STEAP4: variants seen among roughly 807,000 people sequenced by gnomAD.
STEAP4 encodes the protein metalloreductase STEAP4.
STEAP4 carries 36 observed loss-of-function variants against 43.6 expected under a neutral mutation model. That is an observed-to-expected ratio of 0.83 (90% CI 0.63 to 1.09). STEAP4 has a LOEUF of 1.09. STEAP4 is among the 50% of genes least tolerant of loss of function. The pLI is 0.00. For missense variants in STEAP4, 495 were observed against 546.5 expected (o/e 0.91, Z 0.94); for synonymous variants, 191 against 196.7 (o/e 0.97, Z 0.24).
intron 2 of STEAP4, 78 bp downstream of exon 2, chr7:88,283,736 T>C (rs890581994): frequency 6.4e-6 from 9 of 1,401,974 alleles, no homozygotes; most frequent in South Asian, 1.4e-5. Flanking sequence ...CTTGGAATTA[T>C]ATTTTGGAAT....
At position 88,277,612 on chromosome 7, in the gene STEAP4, T is replaced by G. The variant is rs1852533542; in HGVS notation, c.*1786A>C. On this transcript the variant is annotated 3_prime_UTR_variant, in exon 5 of 5. Coordinates refer to ENST00000380079, the MANE Select transcript of STEAP4 (RefSeq NM_024636.4). ...GCCAGATTCATGCCTGTAATCCCAG[T>G]GCTTTGTGAGGCGGAGGCAGGCAGA... is the stretch of plus-strand genomic sequence containing the variant. 6.6e-6 allele frequency: 1 copy of G among 152,190 alleles called. No homozygotes were observed. The highest frequency in any genetic ancestry group is 1.5e-5 in the Non-Finnish European group (1 of 68,030). The allele number at this position is 152,190 out of a possible 1,614,324, so 9.4% of individuals were successfully genotyped here.
intron 1 of STEAP4, chr7:88,304,062 A>C (rs1001093208): frequency 3.9e-5 from 6 of 152,208 alleles, no homozygotes; most frequent in Non-Finnish European, 8.8e-5. Flanking sequence ...GGAAATCATC[A>C]TTCTCAGTAA....
chr7:88,291,507 A>AC (rs1852833028), intron 1 of STEAP4, among the ~76,000 whole-genome samples: 1 of 147,146 alleles, frequency 6.8e-6, no homozygotes, highest in Admixed American at 6.8e-5. Flanking sequence ...AAAAAAAAAA[A>AC]GAAAAGAAAT....
In STEAP4 at chr7:88,283,083, C is replaced by T; in HGVS notation, c.542G>A (p.Gly181Glu). ...RNLGLTPMDQ[G>E]SLMAAKEIEK... is the part of the protein sequence containing the mutation. The stretch of plus-strand genomic sequence containing the variant: ...AATTTCTTTGGCTGCCATGAGTGAT[C>T]CTTGATCCATTGGAGTAAGTCCAAG... Residue 181 changes from glycine to glutamate, a missense_variant, in exon 3 of 5, where the codon GGA becomes GAA. Gly to Glu is a moderately conservative substitution (Grantham distance 98, BLOSUM62 -2). Transcript: ENST00000380079. The T allele has an allele frequency of 6.2e-7, 1 of 1,611,214 alleles. No homozygotes were observed.
Position 88,279,621 on chromosome 7 carries a change from AG to A in STEAP4, c.1156del (p.Leu386TrpfsTer4). On this transcript the variant is annotated frameshift_variant, in exon 5 of 5. Coordinates refer to ENST00000380079, the MANE Select transcript of STEAP4 (RefSeq NM_024636.4). LOFTEE classifies it high-confidence loss of function. ...ACACAAGATCAGGGTCAAATAACCC[AG>A]TTTGGACTATAAACAAGAAACAAAA... Reference protein sequence around the residue: ...WREFRFVQSKLGYLTLILCTA... With the variant: ...WREFRFVQSKXGYLTLILCTA... The A allele has an allele frequency of 6.2e-7, 1 of 1,610,986 alleles. No individual in the cohort carries two copies. Among genetic ancestry groups the A allele is most frequent in the Non-Finnish European group, 8.5e-7 (1 of 1,178,238 alleles).
intron 1 of STEAP4, chr7:88,290,175 G>A (rs1852812570): frequency 6.6e-6 from 1 of 152,168 alleles, no homozygotes. Flanking sequence ...CAAAGAGAGA[G>A]TGATTCCAGA....
At chr7:88,285,396 A>G (rs43131) in intron 1 of STEAP4, among the ~76,000 whole-genome samples, 86,279 of 152,036 alleles carry the variant, frequency 0.57, 24,865 homozygotes, top group East Asian at 0.83. Context: ...AGGCTCACAC[A>G]ACGTCAGTTT....
chr7:88,290,055 C>T (rs948116366), intron 1 of STEAP4, among the ~76,000 whole-genome samples: 3 of 152,158 alleles, frequency 2.0e-5, no homozygotes, highest in Non-Finnish European at 4.4e-5. Flanking sequence ...CTCTTTCATA[C>T]TGGATGAACA....
chr7:88,299,559 G>T (rs907199821), intron 1 of STEAP4, among the ~76,000 whole-genome samples: 1 of 152,164 alleles, frequency 6.6e-6, no homozygotes, highest in African/African-American at 2.4e-5. Context: ...CATTTGGCTT[G>T]TACATACTAC....
chr7:88,284,291 A>G lies in STEAP4; in HGVS notation c.-2-20T>C, dbSNP rs766603383. The stretch of plus-strand genomic sequence containing the variant: ...CCATAACTGAAAAATAATAACACAA[A>G]TGCCCAACAAAATATAAATGCTCTG... On this transcript the variant is annotated intron_variant, in intron 1 of 4. Coordinates refer to ENST00000380079, the MANE Select transcript of STEAP4 (RefSeq NM_024636.4). The G allele has an allele frequency of 1.0e-5, 15 of 1,483,364 alleles. No individual in the cohort carries two copies. Among genetic ancestry groups the G allele is most frequent in the Non-Finnish European group, 1.4e-5 (15 of 1,101,000 alleles). The allele number at this position is 1,483,364 out of a possible 1,614,324, so 91.9% of individuals were successfully genotyped here.
chr7:88,287,776 C>A (rs1223496080), intron 1 of STEAP4, among the ~76,000 whole-genome samples: 1 of 152,128 alleles, frequency 6.6e-6, no homozygotes, highest in African/African-American at 2.4e-5. Context: ...AGGTCAGACT[C>A]TTGTAGCCAG....
At chr7:88,290,118 G>A (rs1455003708) in intron 1 of STEAP4, among the ~76,000 whole-genome samples, 2 of 152,156 alleles carry the variant, frequency 1.3e-5, no homozygotes, top group African/African-American at 2.4e-5. Context: ...GTAATGAGAT[G>A]GATTTTGTTA....
intron 1 of STEAP4, among the ~76,000 whole-genome samples, chr7:88,301,037 C>A (rs1853024842): frequency 1.3e-5 from 2 of 152,152 alleles, no homozygotes; most frequent in Admixed American, 1.3e-4. Context: ...CATCTGTGTA[C>A]CACCATCCCC....
Position 88,282,764 on chromosome 7 carries a change from C to A in STEAP4, c.861G>T (p.Met287Ile), listed in dbSNP as rs1395505661. The change falls in exon 3 of 5, where the codon ATG becomes ATT. Residue 287 changes from methionine to isoleucine, a missense_variant. By Grantham distance (10) the Met-to-Ile change is conservative (BLOSUM62 1). Transcript: ENST00000380079. Reference sequence around the variant, plus strand: ...CCAAGCCAAGCTGCTTTCGGCAAAGCATCCAGTGGTCAAGCCAGTCTGGGA... The same window carrying A: ...CCAAGCCAAGCTGCTTTCGGCAAAGAATCCAGTGGTCAAGCCAGTCTGGGA... ...RRFPDWLDHW[M>I]LCRKQLGLVA... The A allele has an allele frequency of 6.2e-7, 1 of 1,614,138 alleles. No individual in the cohort carries two copies. Among genetic ancestry groups the A allele is most frequent in the Admixed American group, 1.7e-5 (1 of 60,006 alleles).
intron 2 of STEAP4, 159 bp downstream of exon 2, chr7:88,283,655 T>C (rs1306392129): frequency 3.8e-6 from 3 of 789,280 alleles, no homozygotes. Flanking sequence ...TTGACCACCT[T>C]ATTTGGTCAA....
At chr7:88,297,821 G>A (rs1213961816) in intron 1 of STEAP4, among the ~76,000 whole-genome samples, 1 of 152,080 alleles carries the variant, frequency 6.6e-6, no homozygotes, top group East Asian at 1.9e-4. Flanking sequence ...ATCCCAATAA[G>A]CTCATAATAA....
Position 88,282,649 on chromosome 7 carries a change from C to T in STEAP4, c.976G>A (p.Val326Ile), listed in dbSNP as rs1470054472. 15 of 1,612,176 alleles carry T rather than the reference C, an allele frequency of 9.3e-6. No individual in the cohort carries two copies. Among genetic ancestry groups the T allele is most frequent in the East Asian group, 2.2e-5 (1 of 44,830 alleles). Reference sequence around the variant, plus strand: ...TATAAGAAGAGATTTACCTGGGTAACGGTTAAGTTTCCCAATCTCCATCGT... The same window carrying T: ...TATAAGAAGAGATTTACCTGGGTAATGGTTAAGTTTCCCAATCTCCATCGT... ...YVRWRLGNLT[V>I]TQAILKKENP... The change falls in exon 3 of 5, where the codon GTT (valine) becomes ATT (isoleucine). Residue 326 changes from valine to isoleucine, a missense_variant. Transcript: ENST00000380079.
chr7:88,286,290 C>T (rs894604157), intron 1 of STEAP4, among the ~76,000 whole-genome samples: 8 of 152,146 alleles, frequency 5.3e-5, no homozygotes, highest in South Asian at 2.1e-4. Flanking sequence ...AAATCTTATA[C>T]AATTTTATAA....
chr7:88,295,792 T>C (rs559845920), intron 1 of STEAP4, among the ~76,000 whole-genome samples: 1 of 152,280 alleles, frequency 6.6e-6, no homozygotes, highest in Admixed American at 6.5e-5. Context: ...TGGAAAAAGG[T>C]AAAGTTATCT....
Sources: gnomAD v4.1 joint callset for allele counts (sites outside exome capture counted in the v4.1 genomes callset) on GRCh38, gnomAD v4.1.1 for gene constraint, MANE v1.5 for transcripts, NCBI Gene and HGNC (gene_info 2026-07-23, HGNC 2026-07-21) for gene names.